The following ADGRL2 variants were observed in gnomAD, a reference collection of about 807,000 sequenced individuals.
ADGRL2 encodes adhesion G protein-coupled receptor L2.
Under a neutral mutation model 157.4 loss-of-function variants are expected in ADGRL2, and 44 were observed. The ratio of observed to expected loss-of-function variants is 0.28; its 90% CI spans 0.22 to 0.36. ADGRL2 has a LOEUF of 0.36. Among genes scored for constraint, ADGRL2 ranks in the 10% least tolerant of loss-of-function variants. The pLI is 1.00. For missense variants in ADGRL2, 1,510 were observed against 1,768.9 expected, an observed-to-expected ratio of 0.85 and a Z score of 2.63; for synonymous variants, 585 against 624.7, an observed-to-expected ratio of 0.94 and a Z score of 0.95.
chr1:81,615,442 A>T (rs900703703), intron 3 of ADGRL2, among the ~76,000 whole-genome samples: 3 of 152,140 alleles, frequency 2.0e-5, no homozygotes, highest in Non-Finnish European at 4.4e-5. Flanking sequence ...CACCTTTAAG[A>T]GCTGTAACAC....
intron 1 of ADGRL2, among the ~76,000 whole-genome samples, chr1:81,420,542 A>T (rs757253788): frequency 2.6e-5 from 4 of 152,146 alleles, no homozygotes; most frequent in Non-Finnish European, 5.9e-5. Context: ...ACGTTTTCTG[A>T]GTTTTCTCAG....
At position 81,943,834 on chromosome 1, in the gene ADGRL2, T is replaced by G. The variant is rs1572270145; in HGVS notation, c.1210+65T>G. 7.7e-7 allele frequency: 1 copy of G among 1,305,694 alleles called. No individual in the cohort carries two copies. Among genetic ancestry groups the G allele is most frequent in the South Asian group, 1.4e-5 (1 of 71,082 alleles). The allele number at this position is 1,305,694 out of a possible 1,614,324, so 80.9% of individuals were successfully genotyped here. On this transcript the variant is annotated intron_variant, in intron 6 of 23. Transcript: ENST00000686636. This position sits in a 1 kb window ranked among gnomAD's most constrained non-coding sequence, Gnocchi z 5.6. ...AAAAGCATTTTTCTTTTTAAAGACT[T>G]CTTAATTTTTTTTTCCTATTTTCTT...
intron 1 of ADGRL2, among the ~76,000 whole-genome samples, chr1:81,824,948 C>CCTCTCTCTCTCTCT (rs3046312): frequency 0.018 from 2,312 of 127,766 alleles, 56 homozygotes; most frequent in African/African-American, 0.041. Flanking sequence ...TTTTAATTCT[C>CCTCTCTCTCTCTCT]CTCTCTCTCT....
chr1:81,889,263 G>T (rs2094204341), intron 2 of ADGRL2, among the ~76,000 whole-genome samples: 1 of 152,228 alleles, frequency 6.6e-6, no homozygotes, highest in South Asian at 2.1e-4. Flanking sequence ...TCTTGTGCCA[G>T]TTAGCCAAGT....
At chr1:81,546,136 G>A (rs1323767003) in intron 2 of ADGRL2, among the ~76,000 whole-genome samples, 1 of 152,002 alleles carries the variant, frequency 6.6e-6, no homozygotes, top group Admixed American at 6.6e-5. Context: ...CCCTAGAATT[G>A]TGGGGAAGAA....
At chr1:81,875,588 G>T (rs2093817828) in intron 2 of ADGRL2, among the ~76,000 whole-genome samples, 1 of 152,092 alleles carries the variant, frequency 6.6e-6, no homozygotes, top group African/African-American at 2.4e-5. Flanking sequence ...TGATGTACTT[G>T]TGTAAATTTG....
At chr1:81,895,479 A>G (rs1329185846) in intron 2 of ADGRL2, among the ~76,000 whole-genome samples, 3 of 145,726 alleles carry the variant, frequency 2.1e-5, no homozygotes, top group Non-Finnish European at 3.0e-5. Flanking sequence ...GCTCACTACA[A>G]CCTCCGCCAC....
chr1:81,495,086 AG>A (rs1297400406), intron 2 of ADGRL2, among the ~76,000 whole-genome samples: 1 of 152,204 alleles, frequency 6.6e-6, no homozygotes, highest in Non-Finnish European at 1.5e-5. Context: ...TGGTTGAAGA[AG>A]GAACACAAGC....
chr1:81,846,590 T>C lies in ADGRL2; in HGVS notation c.73+9533T>C, dbSNP rs142948864. ...GTAAAATTCTTATTTTGTTGCATAT[T>C]TACAGGGTGCGTCTTACTATTCCTG... On this transcript the variant is annotated intron_variant, in intron 2 of 23. Coordinates refer to ENST00000686636, the MANE Select transcript of ADGRL2 (RefSeq NM_001366006.2). 2.5e-3 allele frequency among the ~76,000 whole-genome samples: 374 copies of C among 152,094 alleles called. 1 individual carries two copies. The highest frequency in any genetic ancestry group is 3.8e-3 in the Admixed American group (58 of 15,228).
At chr1:81,418,527 A>G (rs2077070977) in intron 1 of ADGRL2, among the ~76,000 whole-genome samples, 1 of 152,146 alleles carries the variant, frequency 6.6e-6, no homozygotes, top group Non-Finnish European at 1.5e-5. Flanking sequence ...CGAGGCAGGC[A>G]GATCACGAGG....
At chr1:81,666,692 C>T (rs950913739) in intron 3 of ADGRL2, among the ~76,000 whole-genome samples, 1 of 152,114 alleles carries the variant, frequency 6.6e-6, no homozygotes, top group Non-Finnish European at 1.5e-5. Context: ...AAATAGTTCA[C>T]TATTTGTTAC....
intron 3 of ADGRL2, among the ~76,000 whole-genome samples, chr1:81,617,315 A>C (rs2081680259): frequency 1.3e-5 from 2 of 152,170 alleles, no homozygotes; most frequent in South Asian, 4.1e-4. Flanking sequence ...GAACAATTTC[A>C]TCGCAAAACT....
chr1:81,866,613 T>C (rs1347654429), intron 2 of ADGRL2, among the ~76,000 whole-genome samples: 2 of 152,274 alleles, frequency 1.3e-5, no homozygotes, highest in East Asian at 3.9e-4. Context: ...GAATTGTTAC[T>C]GTGGCAGGCA....
chr1:81,404,092 G>A (rs2076811936), intron 1 of ADGRL2, among the ~76,000 whole-genome samples: 1 of 152,046 alleles, frequency 6.6e-6, no homozygotes, highest in Non-Finnish European at 1.5e-5. Context: ...CACCTCACCC[G>A]GGCGTCTTTG....
At chr1:81,931,272 C>T (rs539829734) in intron 3 of ADGRL2, among the ~76,000 whole-genome samples, 65 of 152,228 alleles carry the variant, frequency 4.3e-4, no homozygotes, top group South Asian at 1.0e-3. Context: ...TAATGTTTTA[C>T]GAATTTTAAT....
intron 2 of ADGRL2, among the ~76,000 whole-genome samples, chr1:81,535,178 A>G (rs1032603622): frequency 1.3e-5 from 2 of 152,240 alleles, no homozygotes; most frequent in Non-Finnish European, 2.9e-5. Flanking sequence ...CTAAGCTTCA[A>G]GAAATGTTGA....
At chr1:81,316,284 T>C (rs1570598259) in intron 1 of ADGRL2, among the ~76,000 whole-genome samples, 2 of 152,230 alleles carry the variant, frequency 1.3e-5, no homozygotes, top group Admixed American at 1.3e-4. Context: ...TTGTTAAACC[T>C]ATACTGGATC....
At chr1:81,423,865 G>C (rs2077167621) in intron 1 of ADGRL2, among the ~76,000 whole-genome samples, 1 of 152,054 alleles carries the variant, frequency 6.6e-6, no homozygotes, top group Non-Finnish European at 1.5e-5. Context: ...AAAATATAAA[G>C]CCAAGCTTTA....
At chr1:81,361,762 G>A (rs1028237460) in intron 1 of ADGRL2, among the ~76,000 whole-genome samples, 2 of 151,852 alleles carry the variant, frequency 1.3e-5, no homozygotes, top group African/African-American at 4.8e-5. Context: ...TTTTATGCAA[G>A]AAATGCTTAT....
Sources: gnomAD v4.1 joint callset for allele counts (sites outside exome capture counted in the v4.1 genomes callset) on GRCh38, gnomAD v4.1.1 for gene constraint, Gnocchi (gnomAD v3.1) non-coding constraint, MANE v1.5 for transcripts, NCBI Gene and HGNC (gene_info 2026-07-23, HGNC 2026-07-21) for gene names.